Variants in PTPRT observed in about 807,000 individuals in gnomAD.
PTPRT encodes the protein receptor-type tyrosine-protein phosphatase T.
Under a neutral mutation model 176.8 loss-of-function variants are expected in PTPRT, and 56 were observed. That is an observed-to-expected ratio of 0.32 (90% CI 0.26 to 0.40). The LOEUF is 0.40. Among genes scored for constraint, PTPRT ranks in the 10% least tolerant of loss-of-function variants. The pLI, the probability that PTPRT is intolerant of heterozygous loss-of-function variation, is 1.00. For missense variants in PTPRT, 1,540 were observed against 1,908.2 expected (o/e 0.81, Z 3.60); for synonymous variants, 783 against 739.0 (o/e 1.06, Z -0.96).
intron 22 of PTPRT, among the ~76,000 whole-genome samples, chr20:42,112,958 G>C (rs529180237): frequency 6.6e-6 from 1 of 152,308 alleles, no homozygotes; most frequent in South Asian, 2.1e-4. Flanking sequence ...CTTCCTTCGA[G>C]CTCTTCCCAC....
chr20:42,625,711 A>C (rs1473825936), intron 7 of PTPRT, among the ~76,000 whole-genome samples: 1 of 152,120 alleles, frequency 6.6e-6, no homozygotes, highest in East Asian at 1.9e-4. Flanking sequence ...GGTGATGGGC[A>C]CAGGATCAAC....
chr20:43,179,921 T>C (rs1175197889), intron 1 of PTPRT, among the ~76,000 whole-genome samples: 2 of 152,218 alleles, frequency 1.3e-5, no homozygotes, highest in Non-Finnish European at 2.9e-5. Flanking sequence ...ATCCTATGTG[T>C]CAACTCGGCT....
At chr20:42,943,613 A>T (rs991157334) in intron 1 of PTPRT, among the ~76,000 whole-genome samples, 1 of 152,116 alleles carries the variant, frequency 6.6e-6, no homozygotes, top group African/African-American at 2.4e-5. Context: ...ACTCAGCCTG[A>T]ATCTTTCACT....
Position 42,807,278 on chromosome 20 carries a change from C to T in PTPRT, c.215-15812G>A, listed in dbSNP as rs531622140. Among the ~76,000 whole-genome samples the T allele has an allele frequency of 7.9e-5, 12 of 152,294 alleles. No homozygotes were observed. The South Asian group carries it at 2.5e-3, about 32-fold the overall frequency. On this transcript the variant is annotated intron_variant, in intron 2 of 30. Transcript: ENST00000373187. ...CTGAGCTCTGTTTTTCCGACCATTCCTATTAGCCTTGGAGTTGAGGGAAAA... is the reference window on the plus strand; with the variant it reads ...CTGAGCTCTGTTTTTCCGACCATTCTTATTAGCCTTGGAGTTGAGGGAAAA...
intron 15 of PTPRT, among the ~76,000 whole-genome samples, chr20:42,233,510 T>C (rs1011974686): frequency 1.3e-5 from 2 of 152,206 alleles, no homozygotes; most frequent in Admixed American, 6.5e-5. Context: ...CTAATGTATG[T>C]ACAGACTACT....
intron 6 of PTPRT, among the ~76,000 whole-genome samples, chr20:42,713,996 A>T (rs2076185598): frequency 6.6e-6 from 1 of 152,164 alleles, no homozygotes; most frequent in Admixed American, 6.5e-5. Context: ...TTTATAAATT[A>T]TCCAGTCTCA....
At chr20:42,447,051 G>A (rs1601041002) in intron 9 of PTPRT, among the ~76,000 whole-genome samples, 1 of 152,156 alleles carries the variant, frequency 6.6e-6, no homozygotes, top group South Asian at 2.1e-4. Flanking sequence ...AGAGGTTATC[G>A]GTCTGTTAGA....
At chr20:42,931,928 C>T (rs542670353) in intron 1 of PTPRT, among the ~76,000 whole-genome samples, 7 of 152,338 alleles carry the variant, frequency 4.6e-5, no homozygotes, top group African/African-American at 1.7e-4. Flanking sequence ...GGCACTAAAA[C>T]TCATCCTGTC....
At chr20:42,164,476 A>C (rs953104396) in intron 16 of PTPRT, among the ~76,000 whole-genome samples, 1 of 152,230 alleles carries the variant, frequency 6.6e-6, no homozygotes, top group Non-Finnish European at 1.5e-5. Context: ...TAATGATGCT[A>C]TGAAGACTCA....
chr20:43,105,742 T>C (rs1029335769), intron 1 of PTPRT, among the ~76,000 whole-genome samples: 3 of 152,198 alleles, frequency 2.0e-5, no homozygotes, highest in Non-Finnish European at 2.9e-5. Context: ...AAATTCTTCA[T>C]GTTTGCAGCC....
In PTPRT at chr20:43,173,083, C is replaced by T. The variant is rs142939486; in HGVS notation, c.88+16563G>A. 4.1e-3 allele frequency among the ~76,000 whole-genome samples: 621 copies of T among 151,960 alleles called. 4 individuals carry two copies. The highest frequency in any genetic ancestry group is 0.014 in the African/African-American group (565 of 41,450). ...GACGGGGGTTTCTCCATGTTGGTCACGGCTGGTCTCGAACTCCCGACCTCA... is the reference window on the plus strand; with the variant it reads ...GACGGGGGTTTCTCCATGTTGGTCATGGCTGGTCTCGAACTCCCGACCTCA... On this transcript the variant is annotated intron_variant, in intron 1 of 30. Transcript: ENST00000373187.
In PTPRT at chr20:42,869,488, C is replaced by T. The variant is rs191801395; in HGVS notation, c.214+16319G>A. Among the ~76,000 whole-genome samples, 349 of 152,348 alleles carry T rather than the reference C, an allele frequency of 2.3e-3. 2 individuals carry two copies. Among genetic ancestry groups the T allele is most frequent in the Admixed American group, 0.022 (341 of 15,302 alleles). On this transcript the variant is annotated intron_variant, in intron 2 of 30. Coordinates refer to ENST00000373187, the MANE Select transcript of PTPRT (RefSeq NM_007050.6). ...TTTGTCTTCTTGTGTTTTATACTTA[C>T]TTGGGACCTATTACCTTTTCTTCTT... is the stretch of plus-strand genomic sequence containing the variant.
At chr20:43,134,488 A>T (rs576597090) in intron 1 of PTPRT, among the ~76,000 whole-genome samples, 85 of 151,924 alleles carry the variant, frequency 5.6e-4, no homozygotes, top group African/African-American at 2.0e-3. Flanking sequence ...AATTCCCCTT[A>T]CCCCTCATGT....
At chr20:42,549,534 C>T (rs2072731729) in intron 7 of PTPRT, among the ~76,000 whole-genome samples, 1 of 152,104 alleles carries the variant, frequency 6.6e-6, no homozygotes, top group Admixed American at 6.6e-5. Flanking sequence ...TGATTGAATG[C>T]TATAAACTGT....
chr20:42,957,397 A>C (rs185672304), intron 1 of PTPRT, among the ~76,000 whole-genome samples: 2 of 152,306 alleles, frequency 1.3e-5, no homozygotes, highest in East Asian at 3.9e-4. Context: ...TTAATCTCAT[A>C]CATTGATTTA....
chr20:42,161,679 A>T, intron 16 of PTPRT, 137 bp from the exon 17 acceptor site: 2 of 789,542 alleles, frequency 2.5e-6, no homozygotes, highest in East Asian at 2.7e-5. Context: ...CTGCAAAAGG[A>T]TTGGAGATAC....
downstream of PTPRT, among the ~76,000 whole-genome samples, chr20:42,071,644 G>GTTTTA (rs532857392): frequency 2.2e-3 from 338 of 152,194 alleles, 1 homozygote; most frequent in East Asian, 5.0e-3. Flanking sequence ...GCTCAGCAGT[G>GTTTTA]TTTTATTTTA....
intron 1 of PTPRT, among the ~76,000 whole-genome samples, chr20:42,900,122 A>T (rs566579855): frequency 5.9e-5 from 9 of 152,140 alleles, no homozygotes; most frequent in Non-Finnish European, 1.0e-4. Context: ...GCAACAGGCA[A>T]ATTGCCCTGT....
chr20:42,768,592 A>G lies in PTPRT; in HGVS notation c.684+2843T>C, dbSNP rs558668157. Among the ~76,000 whole-genome samples, 8 of 152,288 alleles carry G rather than the reference A, an allele frequency of 5.3e-5. No individual in the cohort carries two copies. In the South Asian group the frequency reaches 1.5e-3, roughly 28 times the overall value. On this transcript the variant is annotated intron_variant, in intron 5 of 30. Coordinates refer to ENST00000373187, the MANE Select transcript of PTPRT (RefSeq NM_007050.6). The stretch of plus-strand genomic sequence containing the variant: ...TTCCTTTATTCCACTAGTGGCTACA[A>G]AGCTGCGGGCTCTGTGTGTGACCCA...
Sources: gnomAD v4.1 joint callset for allele counts (sites outside exome capture counted in the v4.1 genomes callset) on GRCh38, gnomAD v4.1.1 for gene constraint, MANE v1.5 for transcripts, NCBI Gene and HGNC (gene_info 2026-07-23, HGNC 2026-07-21) for gene names.